Variants in GMPS observed in about 807,000 individuals in gnomAD.
GMPS encodes guanosine monophosphate synthase.
Under a neutral mutation model 77.9 loss-of-function variants are expected in GMPS, and 15 were observed. The observed-to-expected ratio is 0.19, with a 90% CI of 0.13 to 0.30. The LOEUF (loss-of-function observed/expected upper bound fraction) is 0.30. GMPS is among the 10% of genes least tolerant of loss of function. GMPS has a pLI of 1.00. For synonymous variants in GMPS, 224 were observed against 275.9 expected (o/e 0.81, Z 1.86); for missense variants, 590 against 838.8 (o/e 0.70, Z 3.66).
chr3:155,897,726 A>G (rs1013074294), intron 2 of GMPS, among the ~76,000 whole-genome samples: 2 of 152,248 alleles, frequency 1.3e-5, no homozygotes, highest in Non-Finnish European at 2.9e-5. Flanking sequence ...ACTTCTAAAC[A>G]TTGCAGTAAA....
intron 1 of GMPS, among the ~76,000 whole-genome samples, chr3:155,891,867 A>C (rs1221678725): frequency 6.6e-6 from 1 of 151,900 alleles, no homozygotes; most frequent in African/African-American, 2.4e-5. Flanking sequence ...CGGCCTCCCA[A>C]AGTGCTGCGA....
chr3:155,883,691 T>C (rs1311825274), intron 1 of GMPS, among the ~76,000 whole-genome samples: 1 of 152,208 alleles, frequency 6.6e-6, no homozygotes, highest in South Asian at 2.1e-4. Context: ...GTGCACATAC[T>C]TAAAATCACC....
chr3:155,889,141 G>A (rs1266357185), intron 1 of GMPS, among the ~76,000 whole-genome samples: 3 of 152,082 alleles, frequency 2.0e-5, no homozygotes, highest in Non-Finnish European at 4.4e-5. Flanking sequence ...TCAAGATAAC[G>A]TTTCTAACTT....
At chr3:155,925,426 A>G (rs1755429807) in intron 12 of GMPS, 60 bp downstream of exon 12, 14 of 1,374,598 alleles carry the variant, frequency 1.0e-5, no homozygotes, top group Non-Finnish European at 1.4e-5. Context: ...TTTTCTTGAG[A>G]CGGAGTCTCA....
Position 155,943,747 on chromosome 3 carries a change from A to C in GMPS, c.*6055A>C, listed in dbSNP as rs749403395. On this transcript the variant is annotated 3_prime_UTR_variant, in exon 16 of 16. Transcript: ENST00000496455. ...GAAATGATGATTTACACAATTTGTCATGAAGCTTCCGTGTTTATGAGAAAT... is the reference window on the plus strand; with the variant it reads ...GAAATGATGATTTACACAATTTGTCCTGAAGCTTCCGTGTTTATGAGAAAT... 2 of 161,718 alleles carry C rather than the reference A, an allele frequency of 1.2e-5. No homozygotes were observed. The highest frequency in any genetic ancestry group is 4.8e-5 in the African/African-American group (2 of 41,776). The allele number at this position is 161,718 out of a possible 1,614,324, so 10.0% of individuals were successfully genotyped here. A position where few individuals can be genotyped will look rare whatever the true frequency, so the allele number is the denominator to read the frequency against.
chr3:155,906,693 A>G (rs1048882975), intron 5 of GMPS, among the ~76,000 whole-genome samples: 5 of 148,574 alleles, frequency 3.4e-5, no homozygotes, highest in Admixed American at 3.3e-4. Flanking sequence ...GGGTTGGCAA[A>G]CTGTGACTTG....
intron 4 of GMPS, among the ~76,000 whole-genome samples, chr3:155,905,297 G>A (rs1754846262): frequency 1.3e-5 from 2 of 152,050 alleles, no homozygotes; most frequent in African/African-American, 4.8e-5. Context: ...CACCGCGCCT[G>A]GCCGTTCCTT....
At chr3:155,918,514 AT>A (rs1448656801) in intron 9 of GMPS, among the ~76,000 whole-genome samples, 1 of 152,168 alleles carries the variant, frequency 6.6e-6, no homozygotes, top group Non-Finnish European at 1.5e-5. Flanking sequence ...TCTCATTTTG[AT>A]TTGCATTTCC....
At position 155,940,381 on chromosome 3, in the gene GMPS, T is replaced by C. The variant is rs947089154; in HGVS notation, c.*2689T>C. 9.9e-6 allele frequency: 2 copies of C among 202,062 alleles called. No individual in the cohort carries two copies. Among genetic ancestry groups the C allele is most frequent in the African/African-American group, 4.6e-5 (2 of 43,770 alleles). The allele number at this position is 202,062 out of a possible 1,614,324, so 12.5% of individuals were successfully genotyped here. On this transcript the variant is annotated 3_prime_UTR_variant, in exon 16 of 16. Transcript: ENST00000496455. ...ATATCCAGGAGATAGGGTTACACTGTTTTCTAACCTTTTTTAAATCCCTTA... is the reference window on the plus strand; with the variant it reads ...ATATCCAGGAGATAGGGTTACACTGCTTTCTAACCTTTTTTAAATCCCTTA...
intron 3 of GMPS, 128 bp from the exon 4 acceptor site, chr3:155,903,735 C>G (rs1754790308): frequency 4.0e-6 from 2 of 500,416 alleles, no homozygotes; most frequent in Non-Finnish European, 7.2e-6. Context: ...TTATTAAACT[C>G]CTTTTATTTT....
At chr3:155,936,764 A>G (rs1447391692) in intron 15 of GMPS, among the ~76,000 whole-genome samples, 1 of 152,170 alleles carries the variant, frequency 6.6e-6, no homozygotes, top group Non-Finnish European at 1.5e-5. Flanking sequence ...AATCCTGCCA[A>G]TTTCTACTTT....
chr3:155,924,119 A>G (rs1011009161), intron 11 of GMPS, among the ~76,000 whole-genome samples: 2 of 152,172 alleles, frequency 1.3e-5, no homozygotes, highest in African/African-American at 4.8e-5. Context: ...ACCTCAGGTG[A>G]TCACCCGCCT....
intron 1 of GMPS, among the ~76,000 whole-genome samples, chr3:155,877,542 T>G (rs1577497267): frequency 6.6e-6 from 1 of 152,154 alleles, no homozygotes; most frequent in Non-Finnish European, 1.5e-5. Context: ...GTCCCCATTT[T>G]CCTGCAACCA....
At chr3:155,886,463 T>C (rs573969357) in intron 1 of GMPS, among the ~76,000 whole-genome samples, 2 of 149,724 alleles carry the variant, frequency 1.3e-5, no homozygotes, top group African/African-American at 2.5e-5. Flanking sequence ...TAATCCCAGC[T>C]CATCGGAAGG....
chr3:155,943,133 A>G lies in GMPS; in HGVS notation c.*5441A>G, dbSNP rs1243440643. ...GTAATCCCAGCTACTCGGAAGGCTG[A>G]GGTGTGAGAATCACTTAAACCCGGG... On this transcript the variant is annotated 3_prime_UTR_variant, in exon 16 of 16. Coordinates refer to ENST00000496455, the MANE Select transcript of GMPS (RefSeq NM_003875.3). 5.7e-6 allele frequency: 1 copy of G among 176,334 alleles called. No individual in the cohort carries two copies. The highest frequency in any genetic ancestry group is 1.2e-5 in the Non-Finnish European group (1 of 81,880). The allele number at this position is 176,334 out of a possible 1,614,324, so 10.9% of individuals were successfully genotyped here.
intron 1 of GMPS, among the ~76,000 whole-genome samples, chr3:155,879,123 C>G (rs978723015): frequency 6.6e-6 from 1 of 152,076 alleles, no homozygotes; most frequent in Non-Finnish European, 1.5e-5. Flanking sequence ...TCTACTGATT[C>G]AAATGCCAGT....
intron 1 of GMPS, among the ~76,000 whole-genome samples, chr3:155,878,494 T>G (rs1342129679): frequency 6.6e-6 from 1 of 152,192 alleles, no homozygotes; most frequent in African/African-American, 2.4e-5. Flanking sequence ...GACAAAAGTT[T>G]TCATGCTCTT....
At chr3:155,898,821 G>A (rs1304737973) in intron 3 of GMPS, among the ~76,000 whole-genome samples, 1 of 152,222 alleles carries the variant, frequency 6.6e-6, no homozygotes, top group African/African-American at 2.4e-5. Context: ...GGCACACGGT[G>A]TGGATTTGTG....
At position 155,893,983 on chromosome 3, in the gene GMPS, T is replaced by C. The variant is rs568312645; in HGVS notation, c.209+284T>C. On this transcript the variant is annotated intron_variant, in intron 2 of 15. Transcript: ENST00000496455. ...AGATGTAGCTGTTGTGGCCATTCAT[T>C]CATTTACTTAAAAGCATTTCATCAA... Among the ~76,000 whole-genome samples, 48 of 152,336 alleles carry C rather than the reference T, an allele frequency of 3.2e-4. No individual in the cohort carries two copies. In the South Asian group the frequency reaches 9.3e-3, roughly 30 times the overall value.
Sources: gnomAD v4.1 joint callset for allele counts (sites outside exome capture counted in the v4.1 genomes callset) on GRCh38, gnomAD v4.1.1 for gene constraint, MANE v1.5 for transcripts, NCBI Gene and HGNC (gene_info 2026-07-23, HGNC 2026-07-21) for gene names.